The following NFIB variants were observed in gnomAD, a reference collection of about 807,000 sequenced individuals.
NFIB encodes nuclear factor 1 B-type.
In NFIB, 11 loss-of-function variants were observed where a neutral mutation model predicts 61.5. That is an observed-to-expected ratio of 0.18 (90% confidence interval 0.11 to 0.30). NFIB has a LOEUF of 0.30. Among genes scored for constraint, NFIB ranks in the 10% least tolerant of loss-of-function variants. NFIB has a pLI of 1.00. For synonymous variants in NFIB, 260 were observed against 216.5 expected (o/e 1.20, Z -1.76); for missense variants, 471 against 608.9 (o/e 0.77, Z 2.38).
intron 4 of NFIB, among the ~76,000 whole-genome samples, 168 bp downstream of exon 4, chr9:14,155,657 C>T (rs1442280097): frequency 1.3e-5 from 2 of 152,128 alleles, no homozygotes; most frequent in Non-Finnish European, 2.9e-5. Flanking sequence ...TGAATGCAAA[C>T]ATTTTAGAAA....
chr9:14,424,358 A>C, the NFIB span, among the ~76,000 whole-genome samples: 38,899 of 152,052 alleles, frequency 0.26, 5,537 homozygotes, highest in East Asian at 0.37. Flanking sequence ...AAAGTGTTCG[A>C]GGGTCAAATA....
chr9:14,264,369 G>GT (rs776861560), intron 2 of NFIB, among the ~76,000 whole-genome samples: 10 of 152,110 alleles, frequency 6.6e-5, no homozygotes, highest in Admixed American at 1.3e-4. Flanking sequence ...TAGGTCATTT[G>GT]TTTTTTAATT....
At chr9:14,245,806 G>A (rs976214599) in intron 2 of NFIB, among the ~76,000 whole-genome samples, 5 of 152,104 alleles carry the variant, frequency 3.3e-5, no homozygotes, top group African/African-American at 1.2e-4. Context: ...CCGGGAGGCA[G>A]ACATTGCAGT....
the NFIB span, among the ~76,000 whole-genome samples, chr9:14,459,053 T>C: frequency 2.6e-5 from 4 of 152,022 alleles, no homozygotes; most frequent in Non-Finnish European, 4.4e-5. Context: ...GAGCCCGCAT[T>C]GCCAAGTCAA....
Position 14,207,303 on chromosome 9 carries a change from T to G in NFIB, c.563-27523A>C, listed in dbSNP as rs574617301. On this transcript the variant is annotated intron_variant, in intron 2 of 10. Transcript: ENST00000380953. ...GACAGAAAAAGAGATACAGTCCAGG[T>G]AGAGGTTGCACCTCTGCAATTACAG... Among the ~76,000 whole-genome samples, 9 of 152,352 alleles carry G rather than the reference T, an allele frequency of 5.9e-5. No individual in the cohort carries two copies. In the East Asian group the frequency reaches 1.5e-3, roughly 26 times the overall value.
At chr9:14,236,505 T>C (rs1249860292) in intron 2 of NFIB, among the ~76,000 whole-genome samples, 2 of 152,186 alleles carry the variant, frequency 1.3e-5, no homozygotes, top group Non-Finnish European at 2.9e-5. Context: ...TTTTCATGTA[T>C]CTAGATTTAG....
chr9:14,367,090 T>C (rs984854917), intron 1 of NFIB, among the ~76,000 whole-genome samples: 1 of 152,166 alleles, frequency 6.6e-6, no homozygotes, highest in Non-Finnish European at 1.5e-5. Flanking sequence ...GATAATGACA[T>C]TGGATTCAAT....
the NFIB span, among the ~76,000 whole-genome samples, chr9:14,517,138 G>C: frequency 6.6e-6 from 1 of 152,168 alleles, no homozygotes; most frequent in East Asian, 1.9e-4. Flanking sequence ...TAGGGCAGGA[G>C]GAAAGCATCT....
chr9:14,524,385 G>GA, the NFIB span, among the ~76,000 whole-genome samples: 1 of 151,622 alleles, frequency 6.6e-6, no homozygotes, highest in Non-Finnish European at 1.5e-5. Context: ...GAAAATAACA[G>GA]AAAAAAAATC....
intron 1 of NFIB, among the ~76,000 whole-genome samples, chr9:14,348,701 C>T (rs919932255): frequency 3.9e-5 from 6 of 152,218 alleles, no homozygotes; most frequent in African/African-American, 1.4e-4. Context: ...AGAGAGAGGG[C>T]GGAAGAGCCG....
intron 2 of NFIB, among the ~76,000 whole-genome samples, chr9:14,240,711 C>G (rs1033374724): frequency 6.6e-6 from 1 of 152,142 alleles, no homozygotes; most frequent in African/African-American, 2.4e-5. Context: ...AACATGATAC[C>G]GTCTGCGTTG....
At chr9:14,517,482 G>A in the NFIB span, among the ~76,000 whole-genome samples, 1 of 152,310 alleles carries the variant, frequency 6.6e-6, no homozygotes, top group Non-Finnish European at 1.5e-5. Flanking sequence ...TAATAGGCTG[G>A]ATAAACCAGA....
chr9:14,297,978 GA>G lies in NFIB; in HGVS notation c.562+9010del, dbSNP rs1048629370. ...GCACATGAGGTTTTCATGAAGAGTA[GA>G]AAAAAAACAATTTTTATATTCATTA... On this transcript the variant is annotated intron_variant, in intron 2 of 10. Coordinates refer to ENST00000380953, the MANE Select transcript of NFIB (RefSeq NM_001190737.2). 8.6e-5 allele frequency among the ~76,000 whole-genome samples: 13 copies of G among 151,818 alleles called. No homozygotes were observed. In the East Asian group the frequency reaches 2.3e-3, roughly 27 times the overall value.
chr9:14,256,009 A>G (rs2056186219), intron 2 of NFIB, among the ~76,000 whole-genome samples: 1 of 152,252 alleles, frequency 6.6e-6, no homozygotes, highest in South Asian at 2.1e-4. Context: ...TGATCTTGAG[A>G]AGTCCCTTAA....
the NFIB span, among the ~76,000 whole-genome samples, chr9:14,528,979 C>G: frequency 6.6e-6 from 1 of 152,094 alleles, no homozygotes; most frequent in Non-Finnish European, 1.5e-5. Flanking sequence ...AAACTGCTTA[C>G]GCGATTTTTC....
chr9:14,431,205 T>C, the NFIB span, among the ~76,000 whole-genome samples: 1 of 152,194 alleles, frequency 6.6e-6, no homozygotes, highest in Admixed American at 6.5e-5. Context: ...AGCAAACTCT[T>C]TGTTGATGAA....
intron 10 of NFIB, among the ~76,000 whole-genome samples, chr9:14,107,257 GAAC>G (rs2118935788): frequency 6.6e-6 from 1 of 150,486 alleles, no homozygotes; most frequent in African/African-American, 2.4e-5. Context: ...GGAATGGTAT[GAAC>G]AAGAAAAATG....
chr9:14,239,923 G>C (rs1020062859), intron 2 of NFIB, among the ~76,000 whole-genome samples: 2 of 152,014 alleles, frequency 1.3e-5, no homozygotes, highest in African/African-American at 4.8e-5. Flanking sequence ...AGAAAATTTA[G>C]AGGGGATGGT....
chr9:14,431,835 A>G, the NFIB span, among the ~76,000 whole-genome samples: 321 of 152,246 alleles, frequency 2.1e-3, no homozygotes, highest in African/African-American at 7.5e-3. Context: ...CTGTGTCCCT[A>G]TGCAGAAAGT....
Sources: gnomAD v4.1 joint callset for allele counts (sites outside exome capture counted in the v4.1 genomes callset) on GRCh38, gnomAD v4.1.1 for gene constraint, MANE v1.5 for transcripts, NCBI Gene and HGNC (gene_info 2026-07-23, HGNC 2026-07-21) for gene names.